The following CTNNA2 variants were observed in gnomAD, a reference collection of about 807,000 sequenced individuals.
The protein encoded by CTNNA2 is catenin alpha 2, also known as catenin alpha-2.
A neutral mutation model predicts 101.0 loss-of-function variants in CTNNA2; 42 were observed. That is an observed-to-expected ratio of 0.42 (90% confidence interval 0.32 to 0.54). The LOEUF is 0.54. CTNNA2 is among the 20% of genes least tolerant of loss of function. CTNNA2 has a pLI of 0.14. For synonymous variants in CTNNA2, 450 were observed against 456.4 expected, an observed-to-expected ratio of 0.99 and a Z score of 0.18; for missense variants, 871 against 1,223.1, an observed-to-expected ratio of 0.71 and a Z score of 4.29.
At chr2:79,520,813 A>C (rs1672063205) in intron 1 of CTNNA2, among the ~76,000 whole-genome samples, 2 of 152,096 alleles carry the variant, frequency 1.3e-5, no homozygotes, top group African/African-American at 4.8e-5. Flanking sequence ...TAAGTTGTAA[A>C]GACTGGCAAT....
At chr2:80,468,610 G>T (rs1685050494) in intron 9 of CTNNA2, among the ~76,000 whole-genome samples, 2 of 152,110 alleles carry the variant, frequency 1.3e-5, no homozygotes, top group Admixed American at 1.3e-4. Context: ...TAGAGACGGG[G>T]TTTCGCCATA....
intron 2 of CTNNA2, among the ~76,000 whole-genome samples, chr2:79,659,215 C>CTTT (rs5832398): frequency 5.9e-5 from 8 of 135,820 alleles, no homozygotes; most frequent in Admixed American, 1.5e-4. Context: ...TCCAGTGCCT[C>CTTT]TTTTTTTTTT....
chr2:79,384,165 T>G (rs1402762320), intron 4 of CTNNA2, among the ~76,000 whole-genome samples: 2 of 152,118 alleles, frequency 1.3e-5, no homozygotes, highest in Non-Finnish European at 2.9e-5. Context: ...TAAAAAACAA[T>G]CAGCGTAAAT....
chr2:79,240,682 A>T (rs1039908322), intron 2 of CTNNA2, among the ~76,000 whole-genome samples: 1 of 152,176 alleles, frequency 6.6e-6, no homozygotes, highest in African/African-American at 2.4e-5. Context: ...GACAATAAGT[A>T]AATAAGGTAG....
intron 8 of CTNNA2, among the ~76,000 whole-genome samples, chr2:80,411,901 T>G (rs7596244): frequency 6.6e-6 from 1 of 152,208 alleles, no homozygotes. Context: ...ATTGCTATTA[T>G]GAAATATTAA....
intron 7 of CTNNA2, among the ~76,000 whole-genome samples, chr2:80,119,100 A>G (rs1701688066): frequency 6.6e-6 from 1 of 152,198 alleles, no homozygotes; most frequent in Non-Finnish European, 1.5e-5. Context: ...TGTTTTAGCA[A>G]AGTCTTCAAA....
intron 2 of CTNNA2, among the ~76,000 whole-genome samples, chr2:79,697,365 C>T (rs1275299568): frequency 6.6e-6 from 1 of 152,032 alleles, no homozygotes; most frequent in Non-Finnish European, 1.5e-5. Flanking sequence ...GTGTATTATA[C>T]ACCCACATGT....
intron 4 of CTNNA2, among the ~76,000 whole-genome samples, chr2:79,383,262 A>G (rs1678059967): frequency 6.6e-6 from 1 of 152,202 alleles, no homozygotes; most frequent in African/African-American, 2.4e-5. Flanking sequence ...AATGACATAA[A>G]CAACTTAGGA....
At chr2:79,814,443 T>C (rs543497048) in intron 3 of CTNNA2, among the ~76,000 whole-genome samples, 33 of 152,142 alleles carry the variant, frequency 2.2e-4, no homozygotes, top group Non-Finnish European at 3.7e-4. Flanking sequence ...CTTTGCATCC[T>C]CATAGCTTAG....
intron 7 of CTNNA2, among the ~76,000 whole-genome samples, chr2:80,258,155 T>G (rs1289670388): frequency 6.6e-6 from 1 of 152,206 alleles, no homozygotes; most frequent in African/African-American, 2.4e-5. Flanking sequence ...AGGATAAATT[T>G]TTCTTGCTTT....
chr2:79,632,184 T>G (rs1490891038), intron 1 of CTNNA2, among the ~76,000 whole-genome samples: 1 of 152,136 alleles, frequency 6.6e-6, no homozygotes, highest in Admixed American at 6.6e-5. Context: ...TTAAAATAAT[T>G]ATCATTATTT....
At chr2:79,965,500 A>G (rs972304464) in intron 7 of CTNNA2, among the ~76,000 whole-genome samples, 14 of 152,088 alleles carry the variant, frequency 9.2e-5, no homozygotes, top group African/African-American at 3.4e-4. Flanking sequence ...TGGAAGAATC[A>G]ATTATGGTGG....
intron 7 of CTNNA2, among the ~76,000 whole-genome samples, chr2:80,132,183 G>T (rs939204337): frequency 1.3e-5 from 2 of 152,086 alleles, no homozygotes; most frequent in African/African-American, 4.8e-5. Context: ...GTCTTAGCAC[G>T]TACTGTTAGC....
intron 1 of CTNNA2, among the ~76,000 whole-genome samples, chr2:79,579,069 T>G (rs1462358688): frequency 6.6e-6 from 1 of 151,626 alleles, no homozygotes; most frequent in African/African-American, 2.4e-5. Context: ...TTTCTTTCCT[T>G]TTCTTCCTCC....
intron 12 of CTNNA2, among the ~76,000 whole-genome samples, chr2:80,563,307 C>T (rs778295146): frequency 3.0e-4 from 45 of 152,112 alleles, no homozygotes; most frequent in Admixed American, 1.3e-3. Context: ...GATTCTCTGA[C>T]GGAGGGGAAA....
intron 16 of CTNNA2, among the ~76,000 whole-genome samples, chr2:80,607,962 A>G (rs1698161956): frequency 6.6e-6 from 1 of 151,902 alleles, no homozygotes; most frequent in African/African-American, 2.4e-5. Flanking sequence ...AACTTTCTGG[A>G]ATATCTTCAA....
In CTNNA2 at chr2:80,545,002, C is replaced by T. The variant is rs1200846264; in HGVS notation, c.1311C>T (p.Ser437=). ...TACAGGTTGCCAATTTGGCCTGTTCCATCTCCAACAATGAAGAAGGGGTGA... is the reference window on the plus strand; with the variant it reads ...TACAGGTTGCCAATTTGGCCTGTTCTATCTCCAACAATGAAGAAGGGGTGA... ...KLVEVANLAC[S]ISNNEEGVKL... is the part of the protein sequence containing the mutation. The change falls in exon 10 of 19, where the codon TCC becomes TCT. Residue 437 remains serine, a synonymous_variant. Coordinates refer to ENST00000402739, the MANE Select transcript of CTNNA2 (RefSeq NM_001282597.3). The T allele has an allele frequency of 6.2e-7, 1 of 1,613,910 alleles. No homozygotes were observed. The highest frequency in any genetic ancestry group is 8.5e-7 in the Non-Finnish European group (1 of 1,179,956).
Position 80,251,498 on chromosome 2 carries a change from GA to G in CTNNA2, c.1057-141708del, listed in dbSNP as rs1014969369. On this transcript the variant is annotated intron_variant, in intron 7 of 18. Transcript: ENST00000402739. ...ATGAAACCCTCTTAAACTGTGTAAT[GA>G]AAAAGAAGGCTCTAGCAGGCTCCCA... Among the ~76,000 whole-genome samples the G allele has an allele frequency of 1.2e-4, 19 of 152,186 alleles. 1 individual carries two copies. The East Asian group carries it at 3.3e-3, about 26-fold the overall frequency.
chr2:79,438,253 G>T (rs1678738543), intron 4 of CTNNA2, among the ~76,000 whole-genome samples: 1 of 152,276 alleles, frequency 6.6e-6, no homozygotes, highest in African/African-American at 2.4e-5. Context: ...CTGTGAAGCT[G>T]CTTTTCCAGC....
Sources: gnomAD v4.1 joint callset for allele counts (sites outside exome capture counted in the v4.1 genomes callset) on GRCh38, gnomAD v4.1.1 for gene constraint, MANE v1.5 for transcripts, NCBI Gene and HGNC (gene_info 2026-07-23, HGNC 2026-07-21) for gene names.